Variants in TENM4 observed in about 807,000 individuals in gnomAD.
TENM4 encodes the protein teneurin transmembrane protein 4.
TENM4 carries 82 observed loss-of-function variants against 243.3 expected under a neutral mutation model. The ratio of observed to expected loss-of-function variants is 0.34; its 90% confidence interval spans 0.28 to 0.40. The LOEUF is 0.40. TENM4 is among the 10% of genes least tolerant of loss of function. TENM4 has a pLI of 1.00. For missense variants in TENM4, 3,138 were observed against 3,673.3 expected (o/e 0.85, Z 3.77); for synonymous variants, 1,412 against 1,456.3 (o/e 0.97, Z 0.69).
chr11:79,085,176 T>C (rs1860776963), intron 4 of TENM4, among the ~76,000 whole-genome samples: 1 of 151,358 alleles, frequency 6.6e-6, no homozygotes, highest in Non-Finnish European at 1.5e-5. Flanking sequence ...ATCGAGACCA[T>C]CCTGGCTAAC....
At chr11:79,302,385 C>G (rs1174942620) in intron 1 of TENM4, among the ~76,000 whole-genome samples, 2 of 152,174 alleles carry the variant, frequency 1.3e-5, no homozygotes, top group African/African-American at 4.8e-5. Context: ...AAGTCCATGT[C>G]TCATGCTTTT....
intron 14 of TENM4, among the ~76,000 whole-genome samples, chr11:78,809,085 A>G (rs1468679538): frequency 6.6e-6 from 1 of 152,154 alleles, no homozygotes. Context: ...ATAAATCCCC[A>G]TCATTAGCAA....
At chr11:79,150,753 C>A (rs186716229) in intron 3 of TENM4, among the ~76,000 whole-genome samples, 26 of 152,308 alleles carry the variant, frequency 1.7e-4, no homozygotes, top group African/African-American at 6.3e-4. Context: ...CAAGGACTTT[C>A]TCTGACTCCT....
At chr11:78,983,906 G>A (rs568807814) in intron 6 of TENM4, among the ~76,000 whole-genome samples, 1 of 152,192 alleles carries the variant, frequency 6.6e-6, no homozygotes, top group African/African-American at 2.4e-5. Context: ...AACCCAAACA[G>A]GACTTCATTT....
intron 2 of TENM4, among the ~76,000 whole-genome samples, chr11:79,245,510 T>C (rs550152525): frequency 1.6e-3 from 245 of 152,358 alleles, no homozygotes; most frequent in South Asian, 6.6e-3. Context: ...TCCTTCTCTG[T>C]GCCTTAGTTT....
At chr11:78,736,165 TAGGCTGGTCTTGAACGCCC>T (rs1330962613) in intron 20 of TENM4, among the ~76,000 whole-genome samples, 3 of 151,982 alleles carry the variant, frequency 2.0e-5, no homozygotes, top group African/African-American at 2.4e-5. Context: ...CCATGCTGCC[TAGGCTGGTCTTGAACGCCC>T]AGGCTGGTCT....
chr11:78,902,288 C>T lies in TENM4; in HGVS notation c.749+980G>A, dbSNP rs570796347. On this transcript the variant is annotated intron_variant, in intron 7 of 33. Transcript: ENST00000278550. ...TCTTCATAGTTTTCTGCATTTTCTC[C>T]GGTGAGCTTGTATGGTTTTTAAAAT... 5.3e-5 allele frequency among the ~76,000 whole-genome samples: 8 copies of T among 152,244 alleles called. No individual in the cohort carries two copies. In the South Asian group the frequency reaches 1.2e-3, roughly 24 times the overall value.
chr11:78,848,764 C>T (rs749317645), intron 12 of TENM4, among the ~76,000 whole-genome samples: 5 of 152,166 alleles, frequency 3.3e-5, no homozygotes, highest in African/African-American at 4.8e-5. Flanking sequence ...CATGTCATAC[C>T]TTCCCTGTAT....
At chr11:78,809,145 C>T (rs773584862) in intron 14 of TENM4, among the ~76,000 whole-genome samples, 2 of 152,104 alleles carry the variant, frequency 1.3e-5, no homozygotes, top group African/African-American at 2.4e-5. Context: ...GTGGCACAGG[C>T]GTGTGCTTCC....
rs796898751 is a variant in TENM4, at chr11:78,736,479, T to TGTGTGCGC, written c.2876+1971_2876+1972insGCGCACAC. ...GTGTGTGTGTGTGTGTGTGTGTGTG[T>TGTGTGCGC]GCGCGCGCGTGCATGTGAGTAGGGG... is the stretch of plus-strand genomic sequence containing the variant. On this transcript the variant is annotated intron_variant, in intron 20 of 33. Coordinates refer to ENST00000278550, the MANE Select transcript of TENM4 (RefSeq NM_001098816.3). 7.1e-3 allele frequency among the ~76,000 whole-genome samples: 706 copies of TGTGTGCGC among 99,354 alleles called. 9 individuals carry two copies. Among genetic ancestry groups the TGTGTGCGC allele is most frequent in the African/African-American group, 0.02 (664 of 33,848 alleles). 65.2% of individuals were successfully genotyped at this position (99,354 alleles called of 152,430 possible).
intron 4 of TENM4, among the ~76,000 whole-genome samples, chr11:79,082,043 C>T (rs985631166): frequency 6.6e-6 from 1 of 152,180 alleles, no homozygotes; most frequent in Non-Finnish European, 1.5e-5. Flanking sequence ...TCATTAACTT[C>T]ATTGGTACTT....
At chr11:79,319,170 C>G (rs372520691) in intron 1 of TENM4, among the ~76,000 whole-genome samples, 6 of 152,326 alleles carry the variant, frequency 3.9e-5, no homozygotes, top group African/African-American at 1.4e-4. Flanking sequence ...AGTCATAGAA[C>G]AGTAAGTGGC....
chr11:79,091,588 C>A (rs1860951080), intron 4 of TENM4, among the ~76,000 whole-genome samples: 1 of 152,100 alleles, frequency 6.6e-6, no homozygotes, highest in Non-Finnish European at 1.5e-5. Context: ...GACACATAGA[C>A]TAGTAGCATC....
chr11:78,830,194 C>A (rs1161279865), intron 12 of TENM4, among the ~76,000 whole-genome samples: 1 of 152,166 alleles, frequency 6.6e-6, no homozygotes, highest in Non-Finnish European at 1.5e-5. Context: ...ATTCCTAGAA[C>A]CCCCCGGGGC....
chr11:78,852,566 C>G (rs1858565557), intron 12 of TENM4, among the ~76,000 whole-genome samples: 1 of 152,068 alleles, frequency 6.6e-6, no homozygotes, highest in African/African-American at 2.4e-5. Context: ...GCCTGTGGTC[C>G]CAGCTATTCG....
chr11:78,839,104 T>C (rs1439145121), intron 12 of TENM4, among the ~76,000 whole-genome samples: 1 of 152,256 alleles, frequency 6.6e-6, no homozygotes, highest in Non-Finnish European at 1.5e-5. Flanking sequence ...TATTTAAAGA[T>C]GAGTACCCTT....
rs1432585823 is a variant in TENM4, at chr11:78,847,338, G to C, written c.1681+6766C>G. Among the ~76,000 whole-genome samples the C allele has an allele frequency of 4.6e-5, 7 of 152,222 alleles. No homozygotes were observed. In the East Asian group the frequency reaches 1.3e-3, roughly 29 times the overall value. On this transcript the variant is annotated intron_variant, in intron 12 of 33. Coordinates refer to ENST00000278550, the MANE Select transcript of TENM4 (RefSeq NM_001098816.3). ...TGCAATTCCAGGTAAAGATTCAGAA[G>C]GTTCAGCAATCGAAGGTAAGATCCC...
intron 4 of TENM4, among the ~76,000 whole-genome samples, chr11:79,089,829 T>C (rs1045486225): frequency 3.3e-5 from 5 of 152,104 alleles, no homozygotes; most frequent in African/African-American, 1.2e-4. Flanking sequence ...AGGTGTCTGG[T>C]GATATTTGTG....
chr11:78,935,169 G>A (rs1856758045), intron 6 of TENM4, among the ~76,000 whole-genome samples: 1 of 150,474 alleles, frequency 6.6e-6, no homozygotes, highest in Non-Finnish European at 1.5e-5. Flanking sequence ...CCGCCAGCGC[G>A]CCCAGCTAAT....
Sources: allele counts gnomAD v4.1 joint callset (sites outside exome capture counted in the v4.1 genomes callset), GRCh38; gene constraint gnomAD v4.1.1; transcripts MANE v1.5; gene names NCBI Gene and HGNC (gene_info 2026-07-23, HGNC 2026-07-21).